Variants in PLCL2 observed in about 807,000 individuals in gnomAD.
PLCL2 encodes the protein inactive phospholipase C-like protein 2.
A neutral mutation model predicts 79.6 loss-of-function variants in PLCL2; 4 were observed. That is an observed-to-expected ratio of 0.05 (90% CI 0.02 to 0.11). The LOEUF is 0.11. PLCL2 is among the 10% of genes least tolerant of loss of function. The pLI is 1.00. For missense variants in PLCL2, 895 were observed against 1,291.0 expected, an observed-to-expected ratio of 0.69 and a Z score of 4.70; for synonymous variants, 484 against 457.7, an observed-to-expected ratio of 1.06 and a Z score of -0.73.
At chr3:16,936,018 T>G (rs902622019) in intron 1 of PLCL2, among the ~76,000 whole-genome samples, 27 of 152,196 alleles carry the variant, frequency 1.8e-4, no homozygotes, top group Non-Finnish European at 1.5e-5. Flanking sequence ...CTTTGTATGT[T>G]GGTAGGTTCC....
At chr3:16,910,688 C>T (rs188328664) in intron 1 of PLCL2, among the ~76,000 whole-genome samples, 6 of 152,138 alleles carry the variant, frequency 3.9e-5, no homozygotes, top group Non-Finnish European at 5.9e-5. Flanking sequence ...ATGATCCAAG[C>T]ATATATGTCC....
chr3:16,955,841 G>T (rs980712929), intron 1 of PLCL2, among the ~76,000 whole-genome samples: 1 of 152,118 alleles, frequency 6.6e-6, no homozygotes. Flanking sequence ...TCTGTTATTG[G>T]TGTATAAGAA....
In PLCL2 at chr3:16,903,604, G is replaced by A. The variant is rs140889284; in HGVS notation, c.327+18238G>A. On this transcript the variant is annotated intron_variant, in intron 1 of 5. Coordinates refer to ENST00000615277, the MANE Select transcript of PLCL2 (RefSeq NM_001144382.2). ...CAGCAAGGTTCTTGCCAGTGAAAGT[G>A]TGGAATCGGTAGGAGTTCTGATGTG... is the stretch of plus-strand genomic sequence containing the variant. Among the ~76,000 whole-genome samples the A allele has an allele frequency of 1.1e-4, 16 of 152,332 alleles. No homozygotes were observed. In the East Asian group the frequency reaches 3.1e-3, roughly 29 times the overall value.
chr3:16,886,235 A>G lies in PLCL2; in HGVS notation c.327+869A>G, dbSNP rs1440847319. On this transcript the variant is annotated intron_variant, in intron 1 of 5. Coordinates refer to ENST00000615277, the MANE Select transcript of PLCL2 (RefSeq NM_001144382.2). This position sits in a 1 kb window ranked among gnomAD's most constrained non-coding sequence, Gnocchi z 4.2. ...GCAAAAAAAAATAGTTGATGAGCTA[A>G]GAAGAGCAGAGCCTTAGGCAAGACC... Among the ~76,000 whole-genome samples the G allele has an allele frequency of 1.3e-5, 2 of 152,266 alleles. No individual in the cohort carries two copies. The highest frequency in any genetic ancestry group is 4.8e-5 in the African/African-American group (2 of 41,472).
At chr3:16,955,011 G>A (rs553966653) in intron 1 of PLCL2, among the ~76,000 whole-genome samples, 8 of 152,132 alleles carry the variant, frequency 5.3e-5, no homozygotes, top group African/African-American at 9.7e-5. Flanking sequence ...CTTTTGCTGT[G>A]CAGAAGCTCT....
intron 1 of PLCL2, among the ~76,000 whole-genome samples, chr3:16,905,090 C>A (rs1696720728): frequency 6.6e-6 from 1 of 152,074 alleles, no homozygotes; most frequent in South Asian, 2.1e-4. Flanking sequence ...CTAGAGAATG[C>A]TTTTGAGGAT....
intron 4 of PLCL2, among the ~76,000 whole-genome samples, chr3:17,050,905 C>T (rs1174891258): frequency 6.6e-6 from 1 of 152,124 alleles, no homozygotes; most frequent in African/African-American, 2.4e-5. Flanking sequence ...TAAGCATCTA[C>T]CAACAGTTGA....
At chr3:16,931,079 T>A (rs1049553287) in intron 1 of PLCL2, among the ~76,000 whole-genome samples, 1 of 151,960 alleles carries the variant, frequency 6.6e-6, no homozygotes, top group Admixed American at 6.6e-5. Flanking sequence ...GCCCAAATAC[T>A]ACATCCTTGG....
intron 1 of PLCL2, among the ~76,000 whole-genome samples, chr3:16,903,918 T>C (rs9856407): frequency 1.1e-3 from 168 of 152,344 alleles, no homozygotes; most frequent in African/African-American, 3.9e-3. Flanking sequence ...GTGAGCCCAC[T>C]GGCATTCTTC....
At position 16,912,512 on chromosome 3, in the gene PLCL2, A is replaced by T. The variant is rs995230778; in HGVS notation, c.327+27146A>T. Among the ~76,000 whole-genome samples the T allele has an allele frequency of 5.9e-5, 9 of 152,148 alleles. 1 individual carries two copies. Among genetic ancestry groups the T allele is most frequent in the African/African-American group, 2.2e-4 (9 of 41,418 alleles). ...TACTTCAAGCACTTTCAAAGATTTG[A>T]GTTTGTTTCTGCCCTTGTAACACTT... On this transcript the variant is annotated intron_variant, in intron 1 of 5. Coordinates refer to ENST00000615277, the MANE Select transcript of PLCL2 (RefSeq NM_001144382.2).
chr3:16,992,470 C>CT (rs1325322870), intron 1 of PLCL2, among the ~76,000 whole-genome samples: 1 of 152,242 alleles, frequency 6.6e-6, no homozygotes, highest in Non-Finnish European at 1.5e-5. Flanking sequence ...ATTTGCATCT[C>CT]TTCCCCATTT....
chr3:17,078,816 CTCA>C (rs2065133454), intron 5 of PLCL2, among the ~76,000 whole-genome samples: 1 of 152,206 alleles, frequency 6.6e-6, no homozygotes, highest in Non-Finnish European at 1.5e-5. Flanking sequence ...TTTATTGAGG[CTCA>C]TATCTTTTAG....
chr3:17,005,438 C>T (rs2064252020), intron 1 of PLCL2, among the ~76,000 whole-genome samples: 1 of 152,158 alleles, frequency 6.6e-6, no homozygotes, highest in African/African-American at 2.4e-5. Flanking sequence ...ACCTAAGTAT[C>T]CCAGATGGTA....
chr3:16,967,463 C>T (rs1484807716), intron 1 of PLCL2, among the ~76,000 whole-genome samples: 1 of 152,096 alleles, frequency 6.6e-6, no homozygotes, highest in Admixed American at 6.6e-5. Context: ...GCCATTCTGA[C>T]TGGTATGAGA....
At chr3:17,085,322 A>C (rs1439390930) in intron 5 of PLCL2, among the ~76,000 whole-genome samples, 1 of 152,110 alleles carries the variant, frequency 6.6e-6, no homozygotes, top group East Asian at 1.9e-4. Context: ...TTTTATATAG[A>C]GATGGGGTTT....
intron 3 of PLCL2, among the ~76,000 whole-genome samples, chr3:17,042,261 C>T (rs1453422967): frequency 6.6e-6 from 1 of 152,164 alleles, no homozygotes; most frequent in Non-Finnish European, 1.5e-5. Flanking sequence ...TCTTTCCCTT[C>T]TTCAAGCTTG....
At chr3:16,963,319 C>T (rs1392936165) in intron 1 of PLCL2, among the ~76,000 whole-genome samples, 1 of 151,758 alleles carries the variant, frequency 6.6e-6, no homozygotes, top group Non-Finnish European at 1.5e-5. Context: ...GTATTTTAAG[C>T]AATATATTTT....
At chr3:16,940,769 A>G (rs551555390) in intron 1 of PLCL2, among the ~76,000 whole-genome samples, 181 of 152,342 alleles carry the variant, frequency 1.2e-3, no homozygotes, top group African/African-American at 3.6e-3. Flanking sequence ...CTCATATTAT[A>G]AGATATGATA....
At chr3:16,913,202 C>A (rs1226122399) in intron 1 of PLCL2, among the ~76,000 whole-genome samples, 1 of 152,042 alleles carries the variant, frequency 6.6e-6, no homozygotes, top group African/African-American at 2.4e-5. Context: ...CCAGACTGGG[C>A]CTCGCAAACT....
Sources: allele counts gnomAD v4.1 joint callset (sites outside exome capture counted in the v4.1 genomes callset), GRCh38; gene constraint gnomAD v4.1.1; non-coding constraint Gnocchi (gnomAD v3.1); transcripts MANE v1.5; gene names NCBI Gene and HGNC (gene_info 2026-07-23, HGNC 2026-07-21).